Variants in NAGPA observed in about 807,000 individuals in gnomAD.
NAGPA encodes the protein N-acetylglucosamine-1-phosphodiester alpha-N-acetylglucosaminidase.
In NAGPA, 56 loss-of-function variants were observed where a neutral mutation model predicts 48.5. The observed-to-expected ratio is 1.15, with a 90% confidence interval of 0.93 to 1.44. The LOEUF (loss-of-function observed/expected upper bound fraction) is 1.44, where lower values mean the gene tolerates loss of function less well. Ranked by LOEUF, NAGPA falls within the 40% of genes most tolerant of loss-of-function variation. The pLI, the probability that NAGPA is intolerant of heterozygous loss-of-function variation, is 0.00. For synonymous variants in NAGPA, 399 were observed against 315.5 expected, an observed-to-expected ratio of 1.26 and a Z score of -2.81; for missense variants, 888 against 735.0, an observed-to-expected ratio of 1.21 and a Z score of -2.41.
intron 9 of NAGPA, among the ~76,000 whole-genome samples, chr16:5,026,100 C>T (rs1174439287): frequency 1.3e-5 from 2 of 150,980 alleles, no homozygotes; most frequent in African/African-American, 2.4e-5. Context: ...GGCTAATTTT[C>T]GTATTTTCAG....
At chr16:5,028,777 C>T in intron 5 of NAGPA, 103 bp downstream of exon 5, 1 of 1,579,488 alleles carries the variant, frequency 6.3e-7, no homozygotes, top group Non-Finnish European at 8.6e-7. Flanking sequence ...TCTCTTGAAC[C>T]CCCGGGGCCT....
In NAGPA at chr16:5,030,490, G is replaced by A. The variant is rs1236112150; in HGVS notation, c.686C>T (p.Ser229Phe). ...TECDETQETG[S>F]FSKFVNVISA... ...TATCACATTCACAAATTTGCTAAAG[G>A]AACCTGAAGGAAAAGCAGCCTGGCT... is the stretch of plus-strand genomic sequence containing the variant. Residue 229 changes from serine (S) to phenylalanine (F), a missense_variant, in exon 4 of 10, where the codon TCC (serine) becomes TTC (phenylalanine). Physicochemically the swap from Ser to Phe is radical, Grantham distance 155. Coordinates refer to ENST00000312251, the MANE Select transcript of NAGPA (RefSeq NM_016256.4). 23 of 1,552,624 alleles carry A rather than the reference G, an allele frequency of 1.5e-5. No individual in the cohort carries two copies. Among genetic ancestry groups the A allele is most frequent in the Non-Finnish European group, 2.0e-5 (23 of 1,147,384 alleles).
chr16:5,033,684 CGCGCGCGT>C lies in NAGPA; in HGVS notation c.123_130del (p.Arg44ProfsTer53), dbSNP rs751991327. ...TGTGCAGTCCCGGGGGAGGCGCGCG[CGCGCGCGT>C]GGATAGGGCAGTAGCAAGTCGTCGT... On this transcript the variant is annotated frameshift_variant, in exon 2 of 10. Coordinates refer to ENST00000312251, the MANE Select transcript of NAGPA (RefSeq NM_016256.4). LOFTEE classifies it high-confidence loss of function. The surrounding 1 kb of genome is among the most constrained non-coding windows in gnomAD (Gnocchi z 4.2). 12 of 1,594,896 alleles carry C rather than the reference CGCGCGCGT, an allele frequency of 7.5e-6. No individual in the cohort carries two copies. In the East Asian group the frequency reaches 2.7e-4, roughly 36 times the overall value.
chr16:5,033,631 C>T lies in NAGPA; in HGVS notation c.184G>A (p.Glu62Lys), dbSNP rs776047179. ...GTCGCGGGAGGCGGAGGCCAACTCT[C>T]GTGCTCGCGGTTGCCGGCGCGCACC... The part of the protein sequence containing the change: ...TRVRAGNREH[E>K]SWPPPPATPG... Residue 62 changes from glutamate to lysine, a missense_variant, in exon 2 of 10, where the codon GAG becomes AAG. Glu to Lys is a moderately conservative substitution (Grantham distance 56). Transcript: ENST00000312251. The surrounding 1 kb of genome is among the most constrained non-coding windows in gnomAD (Gnocchi z 4.2). The T allele has an allele frequency of 4.7e-5, 72 of 1,532,156 alleles. No homozygotes were observed. Among genetic ancestry groups the T allele is most frequent in the South Asian group, 6.1e-5 (5 of 81,382 alleles). The allele number at this position is 1,532,156 out of a possible 1,614,324, so 94.9% of individuals were successfully genotyped here. A position where few individuals can be genotyped will look rare whatever the true frequency, so the allele number is the denominator to read the frequency against.
rs776648643 is a variant in NAGPA at position 5,033,916 on chromosome 16, T to C, written c.-2A>G. ...CCAGCGACCCGTGGAGGTCGCCATA[T>C]TGGACCGGGGCCTCGGGTCATGTGG... On this transcript the variant is annotated 5_prime_UTR_variant, in exon 1 of 10. Transcript: ENST00000312251. The surrounding 1 kb of genome is among the most constrained non-coding windows in gnomAD (Gnocchi z 4.2). The C allele has an allele frequency of 8.4e-6, 13 of 1,548,996 alleles. No individual in the cohort carries two copies. In the South Asian group the frequency reaches 1.4e-4, roughly 17 times the overall value.
intron 9 of NAGPA, 92 bp downstream of exon 9, chr16:5,027,043 G>A (rs1272745451): frequency 1.0e-5 from 15 of 1,481,370 alleles, no homozygotes; most frequent in African/African-American, 1.4e-5. Context: ...GCTGGCAGGG[G>A]ACAAGGGCAG....
intron 7 of NAGPA, 129 bp downstream of exon 7, chr16:5,027,717 G>A (rs1956027221): frequency 7.3e-7 from 1 of 1,362,112 alleles, no homozygotes; most frequent in African/African-American, 1.4e-5. Context: ...ATGTGCAGGT[G>A]AGGCCGGGGC....
Position 5,025,238 on chromosome 16 carries a change from G to A in NAGPA, c.*240C>T, listed in dbSNP as rs1391291326. 3.5e-6 allele frequency: 2 copies of A among 578,928 alleles called. No homozygotes were observed. Among genetic ancestry groups the A allele is most frequent in the African/African-American group, 1.9e-5 (1 of 53,402 alleles). 35.9% of individuals were successfully genotyped at this position (578,928 alleles called of 1,614,324 possible). On this transcript the variant is annotated 3_prime_UTR_variant, in exon 10 of 10. Coordinates refer to ENST00000312251, the MANE Select transcript of NAGPA (RefSeq NM_016256.4). ...CACGGGCTTCTCGGCAGCAGACACAGGCAGGCCAGAAGCAGGCAGCTGAGC... is the reference window on the plus strand; with the variant it reads ...CACGGGCTTCTCGGCAGCAGACACAAGCAGGCCAGAAGCAGGCAGCTGAGC...
intron 4 of NAGPA, chr16:5,030,079 A>C: frequency 2.0e-6 from 1 of 508,938 alleles, no homozygotes; most frequent in Non-Finnish European, 3.6e-6. Context: ...TGGGTAGACA[A>C]GTCATCGATG....
chr16:5,029,303 G>A, intron 4 of NAGPA: 1 of 428,192 alleles, frequency 2.3e-6, no homozygotes, highest in Non-Finnish European at 4.3e-6. Context: ...TTCTCTGGCT[G>A]GTGACAGAAT....
rs74952829 is a variant in NAGPA, at chr16:5,033,832, G to T, written c.83C>A (p.Ser28Ter). ...TGGCCCAGGGAGCTGCACTCACCCC[G>T]AGTCGAGGCCGCCGGACGCTTCCCA... ...FLWEASGGLD[S>*]GASRDDDLLL... is the part of the protein sequence containing the mutation. The change falls in exon 1 of 10, where the codon TCG becomes TAG. Residue 28 changes from serine to a stop codon, truncating the protein, a stop_gained. Coordinates refer to ENST00000312251, the MANE Select transcript of NAGPA (RefSeq NM_016256.4). LOFTEE classifies it high-confidence loss of function. The surrounding 1 kb of genome is among the most constrained non-coding windows in gnomAD (Gnocchi z 4.2). 1.3e-6 allele frequency: 2 copies of T among 1,551,882 alleles called. No individual in the cohort carries two copies. Among genetic ancestry groups the T allele is most frequent in the South Asian group, 1.2e-5 (1 of 84,392 alleles).
intron 5 of NAGPA, chr16:5,028,629 C>T: frequency 1.7e-6 from 1 of 595,390 alleles, no homozygotes; most frequent in Non-Finnish European, 3.0e-6. Flanking sequence ...GGCTCTCCCA[C>T]CCCCACCCAG....
At chr16:5,030,850 C>T (rs981763850) in intron 3 of NAGPA, among the ~76,000 whole-genome samples, 4 of 152,166 alleles carry the variant, frequency 2.6e-5, no homozygotes, top group African/African-American at 9.7e-5. Flanking sequence ...TTCCTGTTCC[C>T]TCTGGCTGGG....
At position 5,033,250 on chromosome 16, in the gene NAGPA, C is replaced by T. The variant is rs1213585051; in HGVS notation, c.542+23G>A. The stretch of plus-strand genomic sequence containing the variant: ...ATCTCAGGCCCTCTGCCCTCGACAG[C>T]ACGGGGCTCCCTGCCTCCTCACCCG... On this transcript the variant is annotated intron_variant, in intron 2 of 9. Transcript: ENST00000312251. This position sits in a 1 kb window ranked among gnomAD's most constrained non-coding sequence, Gnocchi z 4.2. 6.3e-7 allele frequency: 1 copy of T among 1,574,930 alleles called. No homozygotes were observed. Among genetic ancestry groups the T allele is most frequent in the South Asian group, 1.1e-5 (1 of 87,560 alleles).
chr16:5,032,293 G>T (rs1596668157), intron 2 of NAGPA, among the ~76,000 whole-genome samples: 1 of 152,020 alleles, frequency 6.6e-6, no homozygotes, highest in East Asian at 1.9e-4. Flanking sequence ...ATCAGAACAA[G>T]CTTTATCATC....
At chr16:5,030,329 C>A in intron 4 of NAGPA, 56 bp downstream of exon 4, 2 of 1,480,968 alleles carry the variant, frequency 1.4e-6, no homozygotes, top group South Asian at 1.2e-5. Context: ...ATTGGGTCAA[C>A]GTTCCTCCTA....
In NAGPA at chr16:5,033,461, T is replaced by A. The variant is rs745882066; in HGVS notation, c.354A>T (p.Arg118Ser). 1.3e-6 allele frequency: 2 copies of A among 1,583,600 alleles called. No homozygotes were observed. The highest frequency in any genetic ancestry group is 1.7e-6 in the Non-Finnish European group (2 of 1,173,160). The change falls in exon 2 of 10, where the codon AGA (arginine) becomes AGT (serine). Residue 118 changes from arginine (R) to serine (S), a missense_variant. Physicochemically the swap from Arg to Ser is moderately radical, Grantham distance 110. Coordinates refer to ENST00000312251, the MANE Select transcript of NAGPA (RefSeq NM_016256.4). The surrounding 1 kb of genome is among the most constrained non-coding windows in gnomAD (Gnocchi z 4.2). ...CCGTCTCCTCCACGGTGGCGCGTCG[T>A]CTCGCCGCGCAGCCGCCGGGTCCAC... The part of the protein sequence containing the change: ...EPGGPGGCAA[R>S]RRATVEETAR...
rs760685655 is a variant in NAGPA at position 5,033,714 on chromosome 16, T to C, written c.101A>G (p.Asp34Gly). 6.2e-7 allele frequency: 1 copy of C among 1,603,396 alleles called. No individual in the cohort carries two copies. The highest frequency in any genetic ancestry group is 1.3e-5 in the African/African-American group (1 of 74,758). The change falls in exon 2 of 10, where the codon GAC (aspartate) becomes GGC (glycine). Residue 34 changes from aspartate to glycine, a missense_variant. Transcript: ENST00000312251. The surrounding 1 kb of genome is among the most constrained non-coding windows in gnomAD (Gnocchi z 4.2). ...GGLDSGASRD[D>G]DLLLPYPRAR... ...GCGTGGATAGGGCAGTAGCAAGTCGTCGTCGCGGGAGGCCCTGCGGGGACG... is the reference window on the plus strand; with the variant it reads ...GCGTGGATAGGGCAGTAGCAAGTCGCCGTCGCGGGAGGCCCTGCGGGGACG...
intron 7 of NAGPA, 35 bp from the exon 8 acceptor site, chr16:5,027,414 G>A (rs1319890189): frequency 1.2e-6 from 2 of 1,604,028 alleles, no homozygotes; most frequent in Non-Finnish European, 1.7e-6. Context: ...GAGGAGGGAG[G>A]AGAAAGGTTG....
Sources: gnomAD v4.1 joint callset for allele counts (sites outside exome capture counted in the v4.1 genomes callset) on GRCh38, gnomAD v4.1.1 for gene constraint, Gnocchi (gnomAD v3.1) non-coding constraint, MANE v1.5 for transcripts, NCBI Gene and HGNC (gene_info 2026-07-23, HGNC 2026-07-21) for gene names.